The following SEMA3A variants were observed in gnomAD, a reference collection of about 807,000 sequenced individuals.
SEMA3A encodes the protein semaphorin 3A.
A neutral mutation model predicts 97.9 loss-of-function variants in SEMA3A; 29 were observed. The observed-to-expected ratio is 0.30, with a 90% CI of 0.22 to 0.40. The LOEUF (loss-of-function observed/expected upper bound fraction) is 0.40, where lower values mean the gene tolerates loss of function less well. SEMA3A is among the 10% of genes least tolerant of loss of function. The probability of loss-of-function intolerance (pLI) is 1.00; values close to 1 mark genes in which losing one functional copy is unlikely to be tolerated. For synonymous variants in SEMA3A, 321 were observed against 323.7 expected (o/e 0.99, Z 0.09); for missense variants, 763 against 951.3 (o/e 0.80, Z 2.60).
intron 2 of SEMA3A, among the ~76,000 whole-genome samples, chr7:84,350,488 G>A (rs1378834294): frequency 6.6e-6 from 1 of 152,036 alleles, no homozygotes; most frequent in Non-Finnish European, 1.5e-5. Context: ...AATTTGACAT[G>A]CATTCTGTGG....
intron 4 of SEMA3A, among the ~76,000 whole-genome samples, chr7:84,062,550 C>G (rs185806863): frequency 6.6e-6 from 1 of 152,290 alleles, no homozygotes; most frequent in East Asian, 1.9e-4. Flanking sequence ...GGGCATAGGT[C>G]AGTGGGTGCG....
At chr7:83,999,604 G>GT (rs1790358097) in intron 12 of SEMA3A, among the ~76,000 whole-genome samples, 1 of 151,980 alleles carries the variant, frequency 6.6e-6, no homozygotes, top group African/African-American at 2.4e-5. Flanking sequence ...GTTCATCTCT[G>GT]TATCACCAGA....
At chr7:84,014,188 G>GTT in intron 7 of SEMA3A, 21 bp downstream of exon 7, 3 of 1,550,878 alleles carry the variant, frequency 1.9e-6, no homozygotes, top group South Asian at 1.2e-5. Context: ...ATCCTTCTCA[G>GTT]TTTTTTTTTC....
rs374327969 is a variant in SEMA3A, at chr7:84,422,916, G to A, written c.-245-51016C>T. Among the ~76,000 whole-genome samples, 55 of 152,092 alleles carry A rather than the reference G, an allele frequency of 3.6e-4. 3 individuals are homozygous for A. In the South Asian group the frequency reaches 8.1e-3, roughly 22 times the overall value. On this transcript the variant is annotated intron_variant, in intron 1 of 3. Coordinates refer to the SEMA3A transcript ENST00000424555. Reference sequence around the variant, plus strand: ...TCTAAAGTACCAGCATGCAAACTCAGTTTAATTCCCCAGTCTATCCTTTTA... The same window carrying A: ...TCTAAAGTACCAGCATGCAAACTCAATTTAATTCCCCAGTCTATCCTTTTA...
At chr7:84,215,946 A>G (rs968039652) in intron 3 of SEMA3A, among the ~76,000 whole-genome samples, 3 of 152,162 alleles carry the variant, frequency 2.0e-5, no homozygotes, top group Non-Finnish European at 4.4e-5. Flanking sequence ...CACACACATA[A>G]TTACCTCAAA....
At chr7:84,129,334 G>T in intron 2 of SEMA3A, 149 bp from the exon 3 acceptor site, 1 of 644,302 alleles carries the variant, frequency 1.6e-6, no homozygotes, top group Middle Eastern at 2.5e-4. Flanking sequence ...AGACCTTCCA[G>T]TGGCGCCAGT....
intron 4 of SEMA3A, among the ~76,000 whole-genome samples, chr7:84,081,084 G>A (rs1258027201): frequency 6.6e-6 from 1 of 151,948 alleles, no homozygotes; most frequent in Non-Finnish European, 1.5e-5. Context: ...AAGAAAGAAT[G>A]CACATGATTC....
chr7:84,429,746 C>T (rs920579014), intron 1 of SEMA3A, among the ~76,000 whole-genome samples: 11 of 150,206 alleles, frequency 7.3e-5, no homozygotes, highest in South Asian at 6.3e-4. Flanking sequence ...TCAGGTAAGA[C>T]GCACAAAAGA....
chr7:84,041,519 A>G (rs1792133725), intron 6 of SEMA3A, among the ~76,000 whole-genome samples: 1 of 152,126 alleles, frequency 6.6e-6, no homozygotes, highest in African/African-American at 2.4e-5. Context: ...TAAAGTTTGC[A>G]TATTTGAATT....
intron 12 of SEMA3A, among the ~76,000 whole-genome samples, chr7:83,998,717 T>C (rs930595399): frequency 1.3e-5 from 2 of 152,200 alleles, no homozygotes; most frequent in Admixed American, 1.3e-4. Flanking sequence ...TGTACACCTG[T>C]CCCAACATGT....
chr7:84,438,832 T>TA (rs989897840), intron 1 of SEMA3A, among the ~76,000 whole-genome samples: 17 of 152,030 alleles, frequency 1.1e-4, no homozygotes, highest in African/African-American at 4.1e-4. Flanking sequence ...CATATTATAA[T>TA]AAAATATATA....
At chr7:84,385,607 C>G (rs1803378055) in intron 1 of SEMA3A, among the ~76,000 whole-genome samples, 1 of 151,890 alleles carries the variant, frequency 6.6e-6, no homozygotes, top group Admixed American at 6.6e-5. Flanking sequence ...ATTATTCATT[C>G]TCTCAATATA....
At chr7:84,206,704 G>A (rs529330331) in intron 3 of SEMA3A, among the ~76,000 whole-genome samples, 17 of 151,820 alleles carry the variant, frequency 1.1e-4, no homozygotes, top group East Asian at 9.7e-4. Context: ...AAATGGTCTC[G>A]AACTCCTGAC....
Position 84,313,390 on chromosome 7 carries a change from AT to A in SEMA3A, c.-168-6099del, listed in dbSNP as rs1562898800. On this transcript the variant is annotated intron_variant, in intron 2 of 3. Transcript: ENST00000424555. ...TATATATATATATATATATATATAT[AT>A]ATATATATATATATAAACTATACGT... Among the ~76,000 whole-genome samples, 135 of 91,988 alleles carry A rather than the reference AT, an allele frequency of 1.5e-3. 6 individuals are homozygous for A. Among genetic ancestry groups the A allele is most frequent in the African/African-American group, 4.4e-3 (131 of 29,974 alleles). 60.3% of individuals were successfully genotyped at this position (91,988 alleles called of 152,430 possible). A position where few individuals can be genotyped will look rare whatever the true frequency, so the allele number is the denominator to read the frequency against.
intron 2 of SEMA3A, among the ~76,000 whole-genome samples, chr7:84,370,948 TACCATATAGAACATATA>T (rs1234681400): frequency 4.6e-5 from 7 of 151,196 alleles, no homozygotes; most frequent in Admixed American, 4.0e-4. Context: ...GTATCTAGTA[TACCATATAGAACATATA>T]ACCATATAGA....
At chr7:83,972,050 T>C (rs1447853821) in intron 15 of SEMA3A, among the ~76,000 whole-genome samples, 1 of 151,524 alleles carries the variant, frequency 6.6e-6, no homozygotes, top group Non-Finnish European at 1.5e-5. Context: ...TGTATATATA[T>C]ACACACACAT....
chr7:84,422,720 G>C (rs1451587032), intron 1 of SEMA3A, among the ~76,000 whole-genome samples: 1 of 151,924 alleles, frequency 6.6e-6, no homozygotes, highest in Non-Finnish European at 1.5e-5. Flanking sequence ...TTATGTCTTT[G>C]TTCTCATTGG....
chr7:83,984,608 C>CTTTTTTTTGTTT (rs1789553876), intron 13 of SEMA3A, among the ~76,000 whole-genome samples: 1 of 98,878 alleles, frequency 1.0e-5, no homozygotes, highest in Admixed American at 1.4e-4. Flanking sequence ...GATTTTTCTG[C>CTTTTTTTTGTTT]TTTTTTTTTT....
At chr7:84,166,856 C>T (rs1456246444) in intron 1 of SEMA3A, among the ~76,000 whole-genome samples, 1 of 122,678 alleles carries the variant, frequency 8.2e-6, no homozygotes, top group African/African-American at 3.2e-5. Flanking sequence ...GCCTGGACGA[C>T]AGAGTGAAAC....
Sources: allele counts gnomAD v4.1 joint callset (sites outside exome capture counted in the v4.1 genomes callset), GRCh38; gene constraint gnomAD v4.1.1; transcripts MANE v1.5; gene names NCBI Gene and HGNC (gene_info 2026-07-23, HGNC 2026-07-21).